The following PDE1A variants were observed in gnomAD, a reference collection of about 807,000 sequenced individuals.
The protein encoded by PDE1A is phosphodiesterase 1A, also known as dual specificity calcium/calmodulin-dependent 3',5'-cyclic nucleotide phosphodiesterase 1A.
Under a neutral mutation model 61.7 loss-of-function variants are expected in PDE1A, and 35 were observed. The ratio of observed to expected loss-of-function variants is 0.57; its 90% confidence interval spans 0.43 to 0.75. PDE1A has a LOEUF of 0.75. Ranked by LOEUF, PDE1A falls within the 30% of genes least tolerant of loss-of-function variation. The pLI is 0.00. For synonymous variants in PDE1A, 232 were observed against 213.2 expected, an observed-to-expected ratio of 1.09 and a Z score of -0.77; for missense variants, 597 against 630.6, an observed-to-expected ratio of 0.95 and a Z score of 0.57.
At chr2:182,436,353 A>G (rs1370495850) in intron 2 of PDE1A, among the ~76,000 whole-genome samples, 1 of 152,018 alleles carries the variant, frequency 6.6e-6, no homozygotes, top group Admixed American at 6.6e-5. Context: ...CATAGTTACC[A>G]TAATTTTTTT....
intron 1 of PDE1A, among the ~76,000 whole-genome samples, chr2:182,347,701 T>A (rs962115322): frequency 6.6e-6 from 1 of 152,078 alleles, no homozygotes; most frequent in East Asian, 1.9e-4. Flanking sequence ...AATGCTCCAT[T>A]TTCAAAGAAA....
chr2:182,681,995 C>A, the PDE1A span, among the ~76,000 whole-genome samples: 1 of 152,196 alleles, frequency 6.6e-6, no homozygotes, highest in African/African-American at 2.4e-5. Flanking sequence ...ACAGTTTGGT[C>A]TTCAATCTAT....
At chr2:182,265,045 G>A (rs1443400479) in intron 1 of PDE1A, among the ~76,000 whole-genome samples, 1 of 151,586 alleles carries the variant, frequency 6.6e-6, no homozygotes, top group African/African-American at 2.4e-5. Context: ...TTATAAGTGG[G>A]AGCTAAACTG....
At chr2:182,308,195 T>C (rs973035251) in intron 1 of PDE1A, among the ~76,000 whole-genome samples, 1 of 152,126 alleles carries the variant, frequency 6.6e-6, no homozygotes, top group Non-Finnish European at 1.5e-5. Flanking sequence ...CTTAGAGTGC[T>C]CAGGGAGAAA....
the PDE1A span, among the ~76,000 whole-genome samples, chr2:182,563,938 C>A: frequency 6.6e-6 from 1 of 152,128 alleles, no homozygotes; most frequent in South Asian, 2.1e-4. Flanking sequence ...TATTTTGAGC[C>A]TGTGTGTGTC....
chr2:182,175,110 T>A (rs1692616095), intron 13 of PDE1A, among the ~76,000 whole-genome samples: 1 of 152,226 alleles, frequency 6.6e-6, no homozygotes, highest in South Asian at 2.1e-4. Context: ...TTCCATGGTG[T>A]ATACATGCCA....
the PDE1A span, among the ~76,000 whole-genome samples, chr2:182,575,474 G>A: frequency 6.6e-6 from 1 of 151,568 alleles, no homozygotes; most frequent in African/African-American, 2.4e-5. Flanking sequence ...TGGTGGCAAT[G>A]TTCCTTCCTC....
At chr2:182,507,806 A>C (rs536195058) in intron 2 of PDE1A, among the ~76,000 whole-genome samples, 1 of 152,318 alleles carries the variant, frequency 6.6e-6, no homozygotes, top group African/African-American at 2.4e-5. Flanking sequence ...TCATACTGCA[A>C]CCAGTGGGAA....
intron 1 of PDE1A, among the ~76,000 whole-genome samples, chr2:182,283,919 C>CT (rs1224461777): frequency 6.6e-6 from 1 of 151,988 alleles, no homozygotes; most frequent in African/African-American, 2.4e-5. Flanking sequence ...TAGTGGAAAA[C>CT]TTTGATGACA....
chr2:182,642,313 C>A, the PDE1A span, among the ~76,000 whole-genome samples: 914 of 152,202 alleles, frequency 6.0e-3, 4 homozygotes, highest in Non-Finnish European at 9.7e-3. Context: ...CTGTTAAATC[C>A]AGGAATTTAA....
chr2:182,320,462 A>C (rs1312755730), intron 1 of PDE1A, among the ~76,000 whole-genome samples: 1 of 152,232 alleles, frequency 6.6e-6, no homozygotes, highest in African/African-American at 2.4e-5. Flanking sequence ...ATATTTTCTA[A>C]ATTTACAAAA....
chr2:182,656,552 G>A, the PDE1A span, among the ~76,000 whole-genome samples: 1 of 152,292 alleles, frequency 6.6e-6, no homozygotes, highest in Admixed American at 6.5e-5. Flanking sequence ...TCTACTCTGA[G>A]CCCTGGGATG....
chr2:182,229,991 C>T lies in PDE1A; in HGVS notation c.675+15G>A. ...CTTCCAAACTAACAAACCTCAGTTA[C>T]AAAGACTGTCTTACCATGATACCTG... On this transcript the variant is annotated intron_variant, in intron 6 of 13. Transcript: ENST00000351439. The T allele has an allele frequency of 6.3e-7, 1 of 1,596,414 alleles. No homozygotes were observed. Among genetic ancestry groups the T allele is most frequent in the Non-Finnish European group, 8.5e-7 (1 of 1,170,248 alleles).
chr2:182,443,163 C>T (rs1684901555), intron 2 of PDE1A, among the ~76,000 whole-genome samples: 1 of 151,700 alleles, frequency 6.6e-6, no homozygotes, highest in South Asian at 2.1e-4. Context: ...AAACTTTCTA[C>T]CTCGGATAAT....
intron 2 of PDE1A, among the ~76,000 whole-genome samples, chr2:182,493,075 AT>A (rs915641055): frequency 2.0e-5 from 3 of 152,164 alleles, no homozygotes; most frequent in African/African-American, 7.2e-5. Context: ...CATCCTAATC[AT>A]TACAACAGCT....
chr2:182,404,275 T>C (rs935066660), intron 1 of PDE1A, among the ~76,000 whole-genome samples: 1 of 152,098 alleles, frequency 6.6e-6, no homozygotes, highest in South Asian at 2.1e-4. Flanking sequence ...ATGGATGAAA[T>C]TCTTTATATT....
chr2:182,612,965 A>G, the PDE1A span, among the ~76,000 whole-genome samples: 5 of 152,190 alleles, frequency 3.3e-5, no homozygotes, highest in Non-Finnish European at 5.9e-5. Flanking sequence ...TCTTTTGAAT[A>G]TGAGTTCTTT....
At chr2:182,609,471 A>T in the PDE1A span, among the ~76,000 whole-genome samples, 1 of 152,170 alleles carries the variant, frequency 6.6e-6, no homozygotes. Flanking sequence ...CACTTCCTTT[A>T]TGAGTTGTAA....
chr2:182,488,898 C>T (rs146828468), intron 2 of PDE1A, among the ~76,000 whole-genome samples: 3 of 152,192 alleles, frequency 2.0e-5, no homozygotes, highest in Non-Finnish European at 4.4e-5. Context: ...TGATTCAGGC[C>T]CTGGAAAGAG....
Sources: allele counts gnomAD v4.1 joint callset (sites outside exome capture counted in the v4.1 genomes callset), GRCh38; gene constraint gnomAD v4.1.1; transcripts MANE v1.5; gene names NCBI Gene and HGNC (gene_info 2026-07-23, HGNC 2026-07-21).